The following CCDC126 variants were observed in gnomAD, a reference collection of about 807,000 sequenced individuals.
CCDC126 encodes coiled-coil domain containing 126.
Under a neutral mutation model 11.7 loss-of-function variants are expected in CCDC126, and 5 were observed. That is an observed-to-expected ratio of 0.43 (90% CI 0.22 to 0.90). The LOEUF is 0.90. CCDC126 is among the 40% of genes least tolerant of loss of function. The pLI is 0.27. For missense variants in CCDC126, 150 were observed against 163.1 expected (o/e 0.92, Z 0.44); for synonymous variants, 60 against 61.9 (o/e 0.97, Z 0.14).
intron 3 of CCDC126, among the ~76,000 whole-genome samples, chr7:23,636,750 AC>A (rs983760487): frequency 4.0e-5 from 5 of 124,448 alleles, no homozygotes; most frequent in African/African-American, 1.6e-4. Flanking sequence ...CCCGGCAGCC[AC>A]CCCGTCCGGG....
chr7:23,627,521 C>T (rs1476017073), intron 3 of CCDC126, among the ~76,000 whole-genome samples: 2 of 150,944 alleles, frequency 1.3e-5, no homozygotes, highest in South Asian at 2.1e-4. Flanking sequence ...GAGCTGAGAT[C>T]GCACCACTGC....
chr7:23,635,727 C>G (rs1362068270), intron 3 of CCDC126, among the ~76,000 whole-genome samples: 2 of 152,162 alleles, frequency 1.3e-5, no homozygotes, highest in African/African-American at 4.8e-5. Flanking sequence ...TTTATCCTGA[C>G]TTTTTCTTTA....
chr7:23,603,610 C>A (rs1170989020), intron 2 of CCDC126, among the ~76,000 whole-genome samples: 1 of 152,130 alleles, frequency 6.6e-6, no homozygotes, highest in East Asian at 1.9e-4. Flanking sequence ...GCTTCAGTTT[C>A]TTTATCTGAA....
intron 2 of CCDC126, among the ~76,000 whole-genome samples, chr7:23,610,262 A>T (rs1782686459): frequency 6.6e-6 from 1 of 152,154 alleles, no homozygotes; most frequent in Admixed American, 6.5e-5. Context: ...CCCAGGCTGG[A>T]GTACAGTGGA....
chr7:23,640,388 T>C (rs1411887430), intron 3 of CCDC126, among the ~76,000 whole-genome samples: 1 of 151,322 alleles, frequency 6.6e-6, no homozygotes, highest in African/African-American at 2.4e-5. Context: ...TCCCAGCTAC[T>C]CGGGAGACTG....
In CCDC126 at chr7:23,627,491, G is replaced by A. The variant is rs563846688; in HGVS notation, c.239-15440G>A. Among the ~76,000 whole-genome samples the A allele has an allele frequency of 2.0e-5, 3 of 151,784 alleles. No individual in the cohort carries two copies. In the South Asian group the frequency reaches 6.3e-4, roughly 32 times the overall value. ...CTGAAGCACAAGAATTGCTTGAACCGAGGAGGTAGAGGTTACAGTGAGCTG... is the reference window on the plus strand; with the variant it reads ...CTGAAGCACAAGAATTGCTTGAACCAAGGAGGTAGAGGTTACAGTGAGCTG... On this transcript the variant is annotated intron_variant, in intron 3 of 3. Transcript: ENST00000307471.
In CCDC126 at chr7:23,644,485, C is replaced by G. The variant is rs1258932554; in HGVS notation, c.*1370C>G. On this transcript the variant is annotated 3_prime_UTR_variant, in exon 4 of 4. Coordinates refer to ENST00000307471, the MANE Select transcript of CCDC126 (RefSeq NM_138771.4). Reference sequence around the variant, plus strand: ...ATGCTACCACATGTAGCAATAATTACAATATTTTATTAAAATAAATATGTG... The same window carrying G: ...ATGCTACCACATGTAGCAATAATTAGAATATTTTATTAAAATAAATATGTG... The G allele has an allele frequency of 6.6e-6, 1 of 152,398 alleles. No individual in the cohort carries two copies. Among genetic ancestry groups the G allele is most frequent in the Non-Finnish European group, 1.5e-5 (1 of 67,908 alleles). The allele number at this position is 152,398 out of a possible 1,614,324, so 9.4% of individuals were successfully genotyped here.
chr7:23,630,993 C>T (rs1469148446), intron 3 of CCDC126, among the ~76,000 whole-genome samples: 1 of 151,872 alleles, frequency 6.6e-6, no homozygotes, highest in Non-Finnish European at 1.5e-5. Context: ...TTGTGGGACA[C>T]AGCTAAAGCA....
chr7:23,640,093 G>C (rs1347556952), intron 3 of CCDC126, among the ~76,000 whole-genome samples: 1 of 152,062 alleles, frequency 6.6e-6, no homozygotes, highest in South Asian at 2.1e-4. Flanking sequence ...TGAGGCAGGA[G>C]AATCGCTTGA....
chr7:23,622,692 G>C, intron 3 of CCDC126: 1 of 531,044 alleles, frequency 1.9e-6, no homozygotes, highest in Admixed American at 1.9e-5. Flanking sequence ...TTAGTACAGA[G>C]AGTAGCTCAG....
chr7:23,635,526 T>C (rs899039081), intron 3 of CCDC126, among the ~76,000 whole-genome samples: 41 of 152,238 alleles, frequency 2.7e-4, no homozygotes, highest in Admixed American at 2.7e-3. Context: ...TTGGTGTATT[T>C]GAAAGAACTC....
chr7:23,635,493 T>A (rs1168005778), intron 3 of CCDC126, among the ~76,000 whole-genome samples: 7 of 152,252 alleles, frequency 4.6e-5, no homozygotes, highest in African/African-American at 1.7e-4. Context: ...AATTGTATTG[T>A]GAATATAGAG....
At chr7:23,627,315 G>T (rs1198523437) in intron 3 of CCDC126, among the ~76,000 whole-genome samples, 1 of 151,814 alleles carries the variant, frequency 6.6e-6, no homozygotes, top group Admixed American at 6.6e-5. Flanking sequence ...CAGGAGTTGA[G>T]ACCAACTTGG....
intron 2 of CCDC126, among the ~76,000 whole-genome samples, chr7:23,603,113 G>T (rs1782569267): frequency 6.6e-6 from 1 of 152,084 alleles, no homozygotes; most frequent in Non-Finnish European, 1.5e-5. Flanking sequence ...CTGGAAGTGT[G>T]TTATCACTAT....
intron 2 of CCDC126, among the ~76,000 whole-genome samples, chr7:23,600,157 C>T (rs1020492994): frequency 3.3e-5 from 5 of 152,146 alleles, no homozygotes; most frequent in Non-Finnish European, 7.3e-5. Context: ...CTGTTTTTAT[C>T]CCTGCCTCAC....
intron 3 of CCDC126, among the ~76,000 whole-genome samples, chr7:23,641,050 T>C (rs1179283895): frequency 6.8e-6 from 1 of 146,342 alleles, no homozygotes; most frequent in Non-Finnish European, 1.5e-5. Flanking sequence ...CTAGGTCACA[T>C]GGCAATTTTA....
intron 3 of CCDC126, among the ~76,000 whole-genome samples, chr7:23,632,605 G>T (rs545171383): frequency 6.6e-6 from 1 of 152,272 alleles, no homozygotes; most frequent in South Asian, 2.1e-4. Context: ...ATACAGTTTT[G>T]CAAGATGTTA....
intron 3 of CCDC126, among the ~76,000 whole-genome samples, chr7:23,616,265 T>C (rs1782793682): frequency 6.6e-6 from 1 of 152,188 alleles, no homozygotes; most frequent in African/African-American, 2.4e-5. Context: ...CTTCCAGTCA[T>C]CTCTGGCCTG....
intron 3 of CCDC126, among the ~76,000 whole-genome samples, chr7:23,618,019 A>G: frequency 6.6e-6 from 1 of 152,198 alleles, no homozygotes; most frequent in East Asian, 1.9e-4. Flanking sequence ...GATAGATGCT[A>G]GAGCCAGCCA....
Sources: gnomAD v4.1 joint callset for allele counts (sites outside exome capture counted in the v4.1 genomes callset) on GRCh38, gnomAD v4.1.1 for gene constraint, MANE v1.5 for transcripts, NCBI Gene and HGNC (gene_info 2026-07-23, HGNC 2026-07-21) for gene names.